Variants in DPP10 observed in about 807,000 individuals in gnomAD.
DPP10 encodes inactive dipeptidyl peptidase 10.
In DPP10, 33 loss-of-function variants were observed where a neutral mutation model predicts 120.9. That is an observed-to-expected ratio of 0.27 (90% CI 0.21 to 0.37). The LOEUF (loss-of-function observed/expected upper bound fraction) is 0.37. DPP10 is among the 10% of genes least tolerant of loss of function. The pLI, the probability that DPP10 is intolerant of heterozygous loss-of-function variation, is 1.00. For synonymous variants in DPP10, 337 were observed against 326.1 expected (o/e 1.03, Z -0.36); for missense variants, 816 against 942.8 (o/e 0.87, Z 1.76).
intron 3 of DPP10, among the ~76,000 whole-genome samples, chr2:115,366,818 T>C (rs1349305613): frequency 6.6e-6 from 1 of 152,054 alleles, no homozygotes; most frequent in South Asian, 2.1e-4. Flanking sequence ...ATTGTGTCTT[T>C]ACTTATCGCT....
At chr2:114,894,496 CAG>C (rs1692807879) in intron 1 of DPP10, among the ~76,000 whole-genome samples, 1 of 152,178 alleles carries the variant, frequency 6.6e-6, no homozygotes, top group Non-Finnish European at 1.5e-5. Context: ...CGCTAAACCT[CAG>C]TCCACTCTGT....
At chr2:115,601,801 G>A (rs1405064371) in intron 5 of DPP10, among the ~76,000 whole-genome samples, 2 of 151,718 alleles carry the variant, frequency 1.3e-5, no homozygotes, top group Non-Finnish European at 1.5e-5. Flanking sequence ...AGCCTCCCAG[G>A]TAGCTGGTAT....
intron 3 of DPP10, among the ~76,000 whole-genome samples, chr2:115,499,041 G>T (rs933231106): frequency 6.6e-6 from 1 of 151,986 alleles, no homozygotes; most frequent in Non-Finnish European, 1.5e-5. Context: ...GGAATTCAGT[G>T]GTGGTAGAAG....
chr2:114,916,627 C>T (rs560459417), intron 1 of DPP10, among the ~76,000 whole-genome samples: 30 of 152,244 alleles, frequency 2.0e-4, no homozygotes, highest in South Asian at 1.5e-3. Context: ...TAGTCCACCA[C>T]GGTCAAGTAG....
At position 115,768,300 on chromosome 2, in the gene DPP10, G is replaced by A; in HGVS notation, c.1117G>A (p.Glu373Lys). ...TSDTWLSQQN[E>K]EPVFSRDGSK... Reference sequence around the variant, plus strand: ...TCTGTGCTCTTCTGTATTTTAGAATGAGGAGCCCGTGTTTTCTAGAGACGG... The same window carrying A: ...TCTGTGCTCTTCTGTATTTTAGAATAAGGAGCCCGTGTTTTCTAGAGACGG... Residue 373 changes from glutamate to lysine, a missense_variant, in exon 13 of 26, where the codon GAG becomes AAG. Around this residue, in one of 3 missense-constraint regions of DPP10, gnomAD observed 592 missense variants for 649.0 expected, o/e 0.91. Coordinates refer to ENST00000410059, the MANE Select transcript of DPP10 (RefSeq NM_020868.6). 1 of 1,613,390 alleles carries A rather than the reference G, an allele frequency of 6.2e-7. No homozygotes were observed. Among genetic ancestry groups the A allele is most frequent in the Non-Finnish European group, 8.5e-7 (1 of 1,179,534 alleles).
chr2:115,501,365 T>C (rs915838808), intron 4 of DPP10, among the ~76,000 whole-genome samples: 1 of 152,116 alleles, frequency 6.6e-6, no homozygotes, highest in South Asian at 2.1e-4. Flanking sequence ...ATCTCAATTC[T>C]TTTGCTGGTA....
chr2:115,088,603 T>C (rs1287982104), intron 1 of DPP10, among the ~76,000 whole-genome samples: 1 of 151,638 alleles, frequency 6.6e-6, no homozygotes, highest in Non-Finnish European at 1.5e-5. Flanking sequence ...TCACCATGCC[T>C]GATTGATTTT....
At chr2:114,969,105 T>C (rs967031890) in intron 1 of DPP10, among the ~76,000 whole-genome samples, 1 of 152,180 alleles carries the variant, frequency 6.6e-6, no homozygotes, top group African/African-American at 2.4e-5. Flanking sequence ...TTATTTATTG[T>C]TGGTAGATTA....
chr2:115,376,121 C>A (rs549375852), intron 3 of DPP10, among the ~76,000 whole-genome samples: 2 of 151,966 alleles, frequency 1.3e-5, no homozygotes, highest in East Asian at 1.9e-4. Context: ...TAGATGGAGG[C>A]AGCAAGGTAT....
At chr2:115,611,036 G>A (rs2084060718) in intron 5 of DPP10, among the ~76,000 whole-genome samples, 1 of 152,024 alleles carries the variant, frequency 6.6e-6, no homozygotes, top group Admixed American at 6.6e-5. Flanking sequence ...GATGTATCTT[G>A]CATTCTCCCA....
chr2:115,705,119 T>A (rs2092049098), intron 7 of DPP10, among the ~76,000 whole-genome samples: 1 of 151,978 alleles, frequency 6.6e-6, no homozygotes, highest in African/African-American at 2.4e-5. Context: ...TGAGCAATGG[T>A]TTAGTTTCTT....
At chr2:114,812,026 C>T (rs559435598) in intron 1 of DPP10, among the ~76,000 whole-genome samples, 3 of 152,062 alleles carry the variant, frequency 2.0e-5, no homozygotes, top group South Asian at 2.1e-4. Flanking sequence ...TTCCTCTATG[C>T]GAGTTTCCAA....
At chr2:114,997,884 C>T (rs1298930705) in intron 1 of DPP10, among the ~76,000 whole-genome samples, 2 of 152,058 alleles carry the variant, frequency 1.3e-5, no homozygotes, top group Admixed American at 6.5e-5. Flanking sequence ...GGAATAGGAC[C>T]GTCATCTAAA....
intron 1 of DPP10, among the ~76,000 whole-genome samples, chr2:114,944,808 A>AT (rs760289851): frequency 1.3e-5 from 2 of 152,162 alleles, no homozygotes; most frequent in African/African-American, 2.4e-5. Flanking sequence ...GTTAGACTTG[A>AT]TTTTTTAAAT....
chr2:115,051,375 T>TG (rs1328731330), intron 1 of DPP10, among the ~76,000 whole-genome samples: 19 of 149,982 alleles, frequency 1.3e-4, no homozygotes, highest in South Asian at 4.2e-4. Flanking sequence ...TTTAAGGTAC[T>TG]AAAAAAAAAA....
chr2:114,942,296 T>TAAATATATATATATATATATATATAC (rs1553458453), intron 1 of DPP10, among the ~76,000 whole-genome samples: 4 of 127,044 alleles, frequency 3.1e-5, no homozygotes, highest in Non-Finnish European at 6.5e-5. Flanking sequence ...TGTATATATA[T>TAAATATATATATATATATATATATAC]ACATATATAT....
At chr2:115,824,324 G>T (rs998176699) in intron 21 of DPP10, among the ~76,000 whole-genome samples, 1 of 151,924 alleles carries the variant, frequency 6.6e-6, no homozygotes, top group Non-Finnish European at 1.5e-5. Context: ...AAAATTTTAC[G>T]TTAAGTACCA....
chr2:114,764,561 T>C (rs1397247878), intron 1 of DPP10, among the ~76,000 whole-genome samples: 1 of 151,992 alleles, frequency 6.6e-6, no homozygotes, highest in Non-Finnish European at 1.5e-5. Context: ...CATTTCTATT[T>C]GATGAAAAGT....
intron 1 of DPP10, among the ~76,000 whole-genome samples, chr2:115,116,367 T>C (rs1423301613): frequency 6.6e-6 from 1 of 152,206 alleles, no homozygotes; most frequent in Non-Finnish European, 1.5e-5. Flanking sequence ...TTTATATCTA[T>C]ATTTTCATCT....
Sources: allele counts gnomAD v4.1 joint callset (sites outside exome capture counted in the v4.1 genomes callset), GRCh38; gene constraint gnomAD v4.1.1; regional missense constraint gnomAD v4.1.1; transcripts MANE v1.5; gene names NCBI Gene and HGNC (gene_info 2026-07-23, HGNC 2026-07-21).